ATP9A: variants seen among roughly 807,000 people sequenced by gnomAD.
The protein encoded by ATP9A is ATPase phospholipid transporting 9A.
In ATP9A, 52 loss-of-function variants were observed where a neutral mutation model predicts 144.1. That is an observed-to-expected ratio of 0.36 (90% CI 0.29 to 0.45). ATP9A has a LOEUF of 0.45. Among genes scored for constraint, ATP9A ranks in the 20% least tolerant of loss-of-function variants. The pLI, the probability that ATP9A is intolerant of heterozygous loss-of-function variation, is 1.00. For missense variants in ATP9A, 947 were observed against 1,392.7 expected (o/e 0.68, Z 5.09); for synonymous variants, 582 against 557.4 (o/e 1.04, Z -0.62).
chr20:51,681,596 A>AT lies in ATP9A; in HGVS notation c.800-5389dup, dbSNP rs1215843717. The stretch of plus-strand genomic sequence containing the variant: ...GCTACCACACCCAGCTCATTTTTGT[A>AT]TTTTTAGTAGAGATGGGGTTTCACC... On this transcript the variant is annotated intron_variant, in intron 9 of 27. Transcript: ENST00000338821. 4.6e-5 allele frequency among the ~76,000 whole-genome samples: 7 copies of AT among 152,046 alleles called. 1 individual carries two copies. Among genetic ancestry groups the AT allele is most frequent in the East Asian group, 3.9e-4 (2 of 5,162 alleles).
At chr20:51,665,055 C>T (rs569305470) in intron 13 of ATP9A, among the ~76,000 whole-genome samples, 1 of 152,158 alleles carries the variant, frequency 6.6e-6, no homozygotes, top group Admixed American at 6.6e-5. Flanking sequence ...AATCATCATA[C>T]CTGTTATTCA....
intron 9 of ATP9A, among the ~76,000 whole-genome samples, chr20:51,684,035 C>T (rs2122806254): frequency 6.6e-6 from 1 of 152,090 alleles, no homozygotes; most frequent in Non-Finnish European, 1.5e-5. Context: ...AATACAAAAA[C>T]TTAGCCAGGC....
chr20:51,677,671 T>G (rs2122797434), intron 9 of ATP9A, among the ~76,000 whole-genome samples: 1 of 152,252 alleles, frequency 6.6e-6, no homozygotes, highest in South Asian at 2.1e-4. Context: ...TCCCTTTCAG[T>G]CTAACTTGCC....
chr20:51,625,114 C>T (rs1439725175), intron 18 of ATP9A, 78 bp downstream of exon 18: 3 of 1,436,368 alleles, frequency 2.1e-6, no homozygotes, highest in Non-Finnish European at 1.9e-6. Flanking sequence ...CACCCTTTCC[C>T]CCTGTGATCT....
chr20:51,658,507 C>T (rs2077396529), intron 13 of ATP9A, among the ~76,000 whole-genome samples: 1 of 142,884 alleles, frequency 7.0e-6, no homozygotes, highest in South Asian at 2.3e-4. Context: ...CGGGTGCCAC[C>T]TATGCTTCCT....
intron 1 of ATP9A, among the ~76,000 whole-genome samples, chr20:51,752,556 T>C (rs956753848): frequency 6.6e-6 from 1 of 152,224 alleles, no homozygotes; most frequent in Admixed American, 6.6e-5. Context: ...CTGTTAACTT[T>C]TCTGTGAGTG....
Position 51,639,493 on chromosome 20 carries a change from T to C in ATP9A, c.1518A>G (p.Val506=), listed in dbSNP as rs991920701. 5.6e-6 allele frequency: 9 copies of C among 1,609,722 alleles called. No homozygotes were observed. The highest frequency in any genetic ancestry group is 5.9e-6 in the Non-Finnish European group (7 of 1,178,442). The change falls in exon 15 of 28, where the codon GTA becomes GTG. Residue 506 remains valine, a synonymous_variant. Coordinates refer to ENST00000338821, the MANE Select transcript of ATP9A (RefSeq NM_006045.3). ...QASSPDEVAL[V]QWTESVGLTL... is the part of the protein sequence containing the mutation. ...TTAAGCCCACACTTTCCGTCCACTG[T>C]ACCAGGGCCACCTAAACATAACACA...
intron 9 of ATP9A, among the ~76,000 whole-genome samples, chr20:51,676,839 C>T (rs2077479263): frequency 1.3e-5 from 2 of 150,208 alleles, no homozygotes; most frequent in Admixed American, 1.3e-4. Flanking sequence ...TGGTCTTGAA[C>T]TCCTGACTTC....
chr20:51,669,049 T>G (rs936647947), intron 13 of ATP9A, among the ~76,000 whole-genome samples: 2 of 152,216 alleles, frequency 1.3e-5, no homozygotes, highest in African/African-American at 4.8e-5. Flanking sequence ...GACCTCCTTA[T>G]TCTCTTGTTA....
At chr20:51,620,464 A>T (rs531541199) in intron 19 of ATP9A, among the ~76,000 whole-genome samples, 2 of 152,270 alleles carry the variant, frequency 1.3e-5, no homozygotes, top group African/African-American at 4.8e-5. Flanking sequence ...TATCTTCATA[A>T]ATATATAACC....
chr20:51,719,784 C>G (rs911318209), intron 3 of ATP9A, among the ~76,000 whole-genome samples: 1 of 126,340 alleles, frequency 7.9e-6, no homozygotes, highest in Non-Finnish European at 1.7e-5. Context: ...CAGTGGCTCA[C>G]GCCTATAATC....
intron 27 of ATP9A, 119 bp from the exon 28 acceptor site, chr20:51,601,466 G>C (rs758005606): frequency 1.1e-4 from 121 of 1,101,108 alleles, no homozygotes; most frequent in Non-Finnish European, 1.5e-4. Context: ...CAAACCCACA[G>C]CCTCCTGGCA....
chr20:51,672,924 T>A (rs2077462246), intron 11 of ATP9A, among the ~76,000 whole-genome samples: 1 of 152,128 alleles, frequency 6.6e-6, no homozygotes, highest in Non-Finnish European at 1.5e-5. Flanking sequence ...AAACTCCCCT[T>A]TTTCTAAAAT....
chr20:51,606,826 C>CGT (rs1243956027), intron 26 of ATP9A, among the ~76,000 whole-genome samples: 1 of 151,908 alleles, frequency 6.6e-6, no homozygotes, highest in African/African-American at 2.4e-5. Flanking sequence ...TACGGCGAGC[C>CGT]GTGATTGCTC....
At chr20:51,746,962 T>TG (rs1056691603) in intron 1 of ATP9A, among the ~76,000 whole-genome samples, 1 of 88,878 alleles carries the variant, frequency 1.1e-5, no homozygotes, top group African/African-American at 4.7e-5. Context: ...GCCGAGGTAG[T>TG]GCCATTGCAC....
intron 19 of ATP9A, among the ~76,000 whole-genome samples, chr20:51,621,139 C>G (rs1317948686): frequency 7.0e-6 from 1 of 143,034 alleles, no homozygotes; most frequent in Non-Finnish European, 1.5e-5. Flanking sequence ...AAGAGCAAGG[C>G]CCCATCTCAA....
At chr20:51,713,724 G>A (rs2077649733) in intron 3 of ATP9A, among the ~76,000 whole-genome samples, 1 of 152,102 alleles carries the variant, frequency 6.6e-6, no homozygotes, top group Non-Finnish European at 1.5e-5. Flanking sequence ...AGAGCCAAGT[G>A]GAAAAAATCC....
intron 7 of ATP9A, among the ~76,000 whole-genome samples, chr20:51,693,093 G>A (rs2077555281): frequency 6.6e-6 from 1 of 152,152 alleles, no homozygotes; most frequent in South Asian, 2.1e-4. Flanking sequence ...GCCAACTACT[G>A]CGGCCATCCT....
chr20:51,726,889 C>CTTTTTTTTTTT (rs55719132), intron 2 of ATP9A, among the ~76,000 whole-genome samples: 1 of 93,984 alleles, frequency 1.1e-5, no homozygotes. Context: ...TGTGTTATTT[C>CTTTTTTTTTTT]TTTTTTTTTT....
Sources: gnomAD v4.1 joint callset for allele counts (sites outside exome capture counted in the v4.1 genomes callset) on GRCh38, gnomAD v4.1.1 for gene constraint, MANE v1.5 for transcripts, NCBI Gene and HGNC (gene_info 2026-07-23, HGNC 2026-07-21) for gene names.